Variants in PHC2 observed in about 807,000 individuals in gnomAD.
PHC2 encodes the protein polyhomeotic-like protein 2.
A neutral mutation model predicts 87.4 loss-of-function variants in PHC2; 29 were observed. The observed-to-expected ratio is 0.33, with a 90% confidence interval of 0.25 to 0.45. PHC2 has a LOEUF of 0.45. PHC2 is among the 20% of genes least tolerant of loss of function. PHC2 has a pLI of 1.00. For missense variants in PHC2, 857 were observed against 1,136.7 expected (o/e 0.75, Z 3.54); for synonymous variants, 438 against 461.7 (o/e 0.95, Z 0.66).
chr1:33,401,286 A>G (rs1401960201), intron 1 of PHC2, among the ~76,000 whole-genome samples: 1 of 152,118 alleles, frequency 6.6e-6, no homozygotes, highest in African/African-American at 2.4e-5. Flanking sequence ...AGATTGCACC[A>G]CTGCACTCCA....
At chr1:33,345,643 T>C in intron 9 of PHC2, 1 of 983,996 alleles carries the variant, frequency 1.0e-6, no homozygotes, top group South Asian at 4.7e-5. Flanking sequence ...TTCTAAATTG[T>C]ATAATTCTTG....
chr1:33,380,050 G>A (rs1372457629), intron 1 of PHC2, among the ~76,000 whole-genome samples: 1 of 152,140 alleles, frequency 6.6e-6, no homozygotes, highest in Non-Finnish European at 1.5e-5. Flanking sequence ...TGCTCATGTT[G>A]CTCTCTGTCC....
At chr1:33,365,685 G>A (rs545875417) in intron 7 of PHC2, among the ~76,000 whole-genome samples, 14 of 152,352 alleles carry the variant, frequency 9.2e-5, no homozygotes, top group East Asian at 1.9e-4. Flanking sequence ...CCACAGGGCC[G>A]TGAGGCCTCC....
intron 1 of PHC2, 45 bp downstream of exon 1, chr1:33,430,931 C>G (rs140002123): frequency 0.21 from 31,616 of 151,022 alleles, 5,617 homozygotes; most frequent in African/African-American, 0.49. Context: ...GCGCGCTGCC[C>G]GTCAGCCGCG....
At chr1:33,347,245 G>A (rs571810759) in intron 9 of PHC2, 3 of 985,286 alleles carry the variant, frequency 3.0e-6, no homozygotes, top group Non-Finnish European at 2.4e-6. Context: ...GACAGAGCAG[G>A]TATGTCAGGG....
chr1:33,421,468 C>A (rs1187837397), intron 1 of PHC2, among the ~76,000 whole-genome samples: 1 of 152,116 alleles, frequency 6.6e-6, no homozygotes, highest in Non-Finnish European at 1.5e-5. Context: ...ATGATTAGAA[C>A]TTTGCACTCT....
At chr1:33,411,707 C>A (rs190073395) in intron 1 of PHC2, among the ~76,000 whole-genome samples, 2 of 151,876 alleles carry the variant, frequency 1.3e-5, no homozygotes, top group African/African-American at 4.8e-5. Flanking sequence ...ACTAGAGGTG[C>A]GCGCCACCAC....
chr1:33,347,150 A>G (rs1231411640), intron 9 of PHC2: 5 of 985,334 alleles, frequency 5.1e-6, no homozygotes, highest in Non-Finnish European at 6.0e-6. Context: ...AGAGCAAGGA[A>G]CAGGCACAGG....
intron 1 of PHC2, among the ~76,000 whole-genome samples, chr1:33,416,986 G>A (rs1291879312): frequency 1.3e-5 from 2 of 151,882 alleles, no homozygotes; most frequent in East Asian, 1.9e-4. Flanking sequence ...TAACTCAAAG[G>A]ACCAGAAGGG....
At chr1:33,353,725 G>T (rs1350784927) in intron 9 of PHC2, among the ~76,000 whole-genome samples, 2 of 152,198 alleles carry the variant, frequency 1.3e-5, no homozygotes, top group Non-Finnish European at 2.9e-5. Context: ...ATGTCACTGA[G>T]ATCTGGGCCA....
chr1:33,402,032 AC>A (rs1028045507), intron 1 of PHC2, among the ~76,000 whole-genome samples: 1 of 152,182 alleles, frequency 6.6e-6, no homozygotes, highest in African/African-American at 2.4e-5. Context: ...AACAAGCCTT[AC>A]ACTGAGAAAA....
chr1:33,430,161 G>C (rs528276503), intron 1 of PHC2, among the ~76,000 whole-genome samples: 1 of 152,284 alleles, frequency 6.6e-6, no homozygotes, highest in Non-Finnish European at 1.5e-5. Context: ...CGCCTTATAA[G>C]AAATTTGTTA....
At chr1:33,327,301 G>A (rs750747476) in intron 14 of PHC2, among the ~76,000 whole-genome samples, 1 of 152,200 alleles carries the variant, frequency 6.6e-6, no homozygotes, top group African/African-American at 2.4e-5. Context: ...TCTTCAGACT[G>A]AGAGGACCTA....
At chr1:33,347,523 T>C in intron 9 of PHC2, 1 of 985,364 alleles carries the variant, frequency 1.0e-6, no homozygotes, top group Middle Eastern at 5.2e-4. Context: ...AACACCAACA[T>C]TCATTAAGCA....
intron 1 of PHC2, among the ~76,000 whole-genome samples, chr1:33,426,325 G>T (rs1440106481): frequency 2.0e-5 from 3 of 151,820 alleles, no homozygotes; most frequent in East Asian, 1.9e-4. Context: ...GCTGGGGGGG[G>T]GTCCATGGTT....
chr1:33,365,109 A>C (rs879607819), intron 7 of PHC2, among the ~76,000 whole-genome samples: 1 of 152,086 alleles, frequency 6.6e-6, no homozygotes, highest in Non-Finnish European at 1.5e-5. Flanking sequence ...GCCACTTACT[A>C]CTTAGGTGAC....
chr1:33,328,585 G>GGA (rs1301564958), intron 14 of PHC2, among the ~76,000 whole-genome samples: 3 of 151,884 alleles, frequency 2.0e-5, no homozygotes, highest in Non-Finnish European at 2.9e-5. Context: ...ATCTCTCCCA[G>GGA]GAGAGAGAGA....
rs1209103487 is a variant in PHC2, at chr1:33,367,260, C to T, written c.832G>A (p.Gly278Ser). The T allele has an allele frequency of 1.2e-5, 19 of 1,614,168 alleles. No individual in the cohort carries two copies. The highest frequency in any genetic ancestry group is 1.6e-5 in the Non-Finnish European group (19 of 1,180,016). The change falls in exon 7 of 15, where the codon GGT (glycine) becomes AGT (serine). Residue 278 changes from glycine (G) to serine (S), a missense_variant. By Grantham distance (56) the Gly-to-Ser change is moderately conservative. Coordinates refer to ENST00000683057, the MANE Select transcript of PHC2 (RefSeq NM_001385109.1). Reference protein sequence around the residue: ...SRNTAQASPAGAKPGIADSVM... With the variant: ...SRNTAQASPASAKPGIADSVM... ...CTGTCAGCTATGCCAGGCTTGGCAC[C>T]TGCAGGGGAAGCCTGAGCAGTATTT...
chr1:33,421,218 A>G (rs1650423831), intron 1 of PHC2, among the ~76,000 whole-genome samples: 1 of 152,214 alleles, frequency 6.6e-6, no homozygotes, highest in Non-Finnish European at 1.5e-5. Context: ...TGAGAAAAGC[A>G]AAGAAAATAA....
Sources: allele counts gnomAD v4.1 joint callset (sites outside exome capture counted in the v4.1 genomes callset), GRCh38; gene constraint gnomAD v4.1.1; transcripts MANE v1.5; gene names NCBI Gene and HGNC (gene_info 2026-07-23, HGNC 2026-07-21).